The following PCDH11X variants were observed in gnomAD, a reference collection of about 807,000 sequenced individuals.
The protein encoded by PCDH11X is protocadherin 11 X-linked, also known as protocadherin-11 X-linked.
A neutral mutation model predicts 53.3 loss-of-function variants in PCDH11X; 18 were observed. The ratio of observed to expected loss-of-function variants is 0.34; its 90% CI spans 0.23 to 0.50. The LOEUF (loss-of-function observed/expected upper bound fraction) is 0.50, where lower values mean the gene tolerates loss of function less well. Among genes scored for constraint, PCDH11X ranks in the 20% least tolerant of loss-of-function variants. PCDH11X has a pLI of 0.98. For missense variants in PCDH11X, 570 were observed against 1,032.4 expected, an observed-to-expected ratio of 0.55 and a Z score of 6.14; for synonymous variants, 279 against 393.3, an observed-to-expected ratio of 0.71 and a Z score of 3.44.
chrX:92,320,779 G>C (rs914834963), intron 8 of PCDH11X, among the ~76,000 whole-genome samples: 1 of 111,583 alleles, frequency 9.0e-6, no homozygotes, highest in African/African-American at 3.3e-5. Context: ...GCAAAGACCA[G>C]AGACAGGCAC....
intron 7 of PCDH11X, among the ~76,000 whole-genome samples, chrX:92,239,197 ATGTTG>A (rs1483479533): frequency 9.0e-6 from 1 of 111,653 alleles, no homozygotes; most frequent in Non-Finnish European, 1.9e-5. Context: ...TGAAGTCTGT[ATGTTG>A]TGATATTGTG....
chrX:92,217,637 A>C (rs1448414743), intron 7 of PCDH11X, among the ~76,000 whole-genome samples: 1 of 101,613 alleles, frequency 9.8e-6, no homozygotes, highest in Non-Finnish European at 2.0e-5. Context: ...AACATTAGAC[A>C]GATCAATGAG....
intron 8 of PCDH11X, among the ~76,000 whole-genome samples, chrX:92,301,129 C>T (rs1255391684): frequency 1.8e-5 from 2 of 111,087 alleles, no homozygotes; most frequent in Non-Finnish European, 3.8e-5. Context: ...TGGGCTGGTG[C>T]CAGTAGGCCA....
At chrX:92,270,052 T>A (rs959539140) in intron 8 of PCDH11X, among the ~76,000 whole-genome samples, 4 of 111,174 alleles carry the variant, frequency 3.6e-5, no homozygotes, top group Non-Finnish European at 5.7e-5. Context: ...ACCTAGATTG[T>A]AACTTCATGT....
chrX:92,030,576 G>A (rs1171402619), intron 6 of PCDH11X, among the ~76,000 whole-genome samples: 1 of 108,096 alleles, frequency 9.3e-6, no homozygotes, highest in Non-Finnish European at 1.9e-5. Context: ...GAAAATACTA[G>A]GTCTTATTCA....
At chrX:92,265,434 CAG>C (rs1406847754) in intron 8 of PCDH11X, among the ~76,000 whole-genome samples, 3 of 110,676 alleles carry the variant, frequency 2.7e-5, no homozygotes, top group Non-Finnish European at 5.7e-5. Flanking sequence ...TAAAACACAG[CAG>C]AGAGTTAAAA....
At chrX:92,293,628 A>G (rs2068546195) in intron 8 of PCDH11X, among the ~76,000 whole-genome samples, 1 of 108,547 alleles carries the variant, frequency 9.2e-6, no homozygotes, top group Admixed American at 9.9e-5. Flanking sequence ...GTCTCAAAAA[A>G]AAAAAAAAAA....
chrX:92,475,262 T>C (rs2148667841), intron 10 of PCDH11X, among the ~76,000 whole-genome samples: 1 of 108,539 alleles, frequency 9.2e-6, no homozygotes, highest in African/African-American at 3.4e-5. Context: ...CTATTACCAG[T>C]CAGTTTTGTA....
intron 6 of PCDH11X, among the ~76,000 whole-genome samples, chrX:92,080,687 G>A (rs1482484842): frequency 1.3e-4 from 14 of 108,852 alleles, no homozygotes; most frequent in Non-Finnish European, 2.5e-4. Flanking sequence ...AGAAGAAAAT[G>A]ATACAAGTTT....
At chrX:92,142,922 GCACA>G (rs58301269) in intron 6 of PCDH11X, among the ~76,000 whole-genome samples, 13 of 102,404 alleles carry the variant, frequency 1.3e-4, no homozygotes, top group Non-Finnish European at 2.0e-4. Context: ...ACAGATGCAT[GCACA>G]CACACACACA....
intron 7 of PCDH11X, among the ~76,000 whole-genome samples, chrX:92,258,951 G>C (rs936218342): frequency 9.0e-6 from 1 of 111,065 alleles, no homozygotes; most frequent in African/African-American, 3.3e-5. Context: ...GATCATTAGA[G>C]CACAGGCACA....
chrX:91,879,953 T>A (rs1170891997), intron 6 of PCDH11X: 9 of 707,425 alleles, frequency 1.3e-5, no homozygotes, highest in Non-Finnish European at 1.5e-5. Flanking sequence ...TATTTAAATA[T>A]TTGCATATTT....
chrX:92,398,975 G>T (rs1183435335), intron 9 of PCDH11X, among the ~76,000 whole-genome samples: 8 of 109,623 alleles, frequency 7.3e-5, no homozygotes, highest in Non-Finnish European at 1.5e-4. Context: ...GGCGGATCAC[G>T]AGGTCAGGAG....
At chrX:92,149,616 CTG>C (rs2148236941) in intron 6 of PCDH11X, among the ~76,000 whole-genome samples, 1 of 109,873 alleles carries the variant, frequency 9.1e-6, no homozygotes, top group South Asian at 3.8e-4. Context: ...GCACAATAAA[CTG>C]TACTTATTTT....
intron 10 of PCDH11X, among the ~76,000 whole-genome samples, chrX:92,613,502 G>A (rs1464379109): frequency 5.7e-5 from 6 of 104,468 alleles, no homozygotes; most frequent in South Asian, 4.3e-4. Flanking sequence ...GTGATCTGAC[G>A]TTTTTCTCTA....
intron 4 of PCDH11X, among the ~76,000 whole-genome samples, chrX:91,828,363 G>A (rs1162812194): frequency 9.1e-6 from 1 of 110,371 alleles, no homozygotes; most frequent in South Asian, 3.8e-4. Flanking sequence ...CTCGTGATCC[G>A]CCCGCTTCGG....
At chrX:91,984,264 G>A (rs995360744) in intron 6 of PCDH11X, among the ~76,000 whole-genome samples, 2 of 100,690 alleles carry the variant, frequency 2.0e-5, no homozygotes, top group Non-Finnish European at 4.0e-5. Flanking sequence ...CTAGCTTTTA[G>A]TTTCAACACC....
At chrX:92,160,404 T>C (rs140325321) in intron 6 of PCDH11X, among the ~76,000 whole-genome samples, 8,552 of 109,700 alleles carry the variant, frequency 0.078, 439 homozygotes, top group African/African-American at 0.18. Flanking sequence ...AGTGAGAACA[T>C]AGGATATTTG....
At chrX:92,208,537 A>ATATATATATATATATATATATATAT (rs1569422026) in intron 7 of PCDH11X, among the ~76,000 whole-genome samples, 2 of 78,410 alleles carry the variant, frequency 2.6e-5, no homozygotes, top group Non-Finnish European at 4.9e-5. Flanking sequence ...ATATATATAT[A>ATATATATATATATATATATATATAT]CAATTTTTTT....
Sources: gnomAD v4.1 joint callset for allele counts (sites outside exome capture counted in the v4.1 genomes callset) on GRCh38, gnomAD v4.1.1 for gene constraint, MANE v1.5 for transcripts, NCBI Gene and HGNC (gene_info 2026-07-23, HGNC 2026-07-21) for gene names.